FAM227B: variants seen among roughly 807,000 people sequenced by gnomAD.
FAM227B encodes family with sequence similarity 227 member B, also known as protein FAM227B.
A neutral mutation model predicts 73.8 loss-of-function variants in FAM227B; 88 were observed. The ratio of observed to expected loss-of-function variants is 1.19; its 90% CI spans 1.00 to 1.42. The LOEUF (loss-of-function observed/expected upper bound fraction) is 1.42, where lower values mean the gene tolerates loss of function less well. FAM227B is among the 40% of genes most tolerant of loss of function. The pLI, the probability that FAM227B is intolerant of heterozygous loss-of-function variation, is 0.00. For synonymous variants in FAM227B, 210 were observed against 190.5 expected, an observed-to-expected ratio of 1.10 and a Z score of -0.84; for missense variants, 632 against 590.9, an observed-to-expected ratio of 1.07 and a Z score of -0.72.
At chr15:49,341,600 CT>C (rs2040739778) in intron 13 of FAM227B, among the ~76,000 whole-genome samples, 1 of 152,122 alleles carries the variant, frequency 6.6e-6, no homozygotes, top group Non-Finnish European at 1.5e-5. Context: ...GATTTGCTTA[CT>C]TCAATCTCCC....
intron 11 of FAM227B, chr15:49,396,316 T>TTATA (rs1249095491): frequency 2.6e-6 from 1 of 391,690 alleles, no homozygotes; most frequent in African/African-American, 2.2e-5. Flanking sequence ...CACCACGAGA[T>TTATA]TATATCCCAC....
chr15:49,524,227 G>A (rs1055424801), intron 10 of FAM227B, among the ~76,000 whole-genome samples: 13 of 152,132 alleles, frequency 8.5e-5, no homozygotes, highest in Admixed American at 7.2e-4. Context: ...AGGGAAAGAT[G>A]GTTTTGTCAG....
In FAM227B at chr15:49,396,502, A is replaced by C; in HGVS notation, c.1013-25103T>G. ...AACTGGGTGGAGCCCACCACAGCTCAAGGAGGCCTGCCTGCCTCTGTAGGC... is the reference window on the plus strand; with the variant it reads ...AACTGGGTGGAGCCCACCACAGCTCCAGGAGGCCTGCCTGCCTCTGTAGGC... On this transcript the variant is annotated intron_variant, in intron 11 of 15. Transcript: ENST00000299338. 1.2e-5 allele frequency: 2 copies of C among 169,102 alleles called. 1 individual carries two copies. Among genetic ancestry groups the C allele is most frequent in the South Asian group, 2.4e-4 (2 of 8,202 alleles). 10.5% of individuals were successfully genotyped at this position (169,102 alleles called of 1,614,324 possible).
chr15:49,467,170 T>C (rs369099722), intron 11 of FAM227B, among the ~76,000 whole-genome samples: 36 of 152,274 alleles, frequency 2.4e-4, no homozygotes, highest in African/African-American at 8.4e-4. Flanking sequence ...AAAGTGGATG[T>C]GTAGTTTATC....
At chr15:49,593,888 C>T (rs1428756786) in intron 3 of FAM227B, among the ~76,000 whole-genome samples, 2 of 152,192 alleles carry the variant, frequency 1.3e-5, no homozygotes, top group Non-Finnish European at 2.9e-5. Flanking sequence ...CAGCTATAAA[C>T]ATGCGAGTGC....
chr15:49,529,991 T>C (rs1258029997), intron 10 of FAM227B, among the ~76,000 whole-genome samples: 1 of 151,772 alleles, frequency 6.6e-6, no homozygotes, highest in Admixed American at 6.6e-5. Context: ...AGATGCACCA[T>C]AGTTTGTTTA....
chr15:49,424,489 A>G (rs745689304), intron 11 of FAM227B: 1 of 1,613,554 alleles, frequency 6.2e-7, no homozygotes, highest in Non-Finnish European at 8.5e-7. Flanking sequence ...GAGGGGATAT[A>G]AGAGTGAGAA....
At chr15:49,441,494 G>C (rs1177546084) in intron 11 of FAM227B, among the ~76,000 whole-genome samples, 4 of 151,640 alleles carry the variant, frequency 2.6e-5, no homozygotes, top group Non-Finnish European at 5.9e-5. Flanking sequence ...GAGCTCCAGA[G>C]GACTGAAGTA....
At chr15:49,567,522 A>T (rs887128206) in intron 9 of FAM227B, among the ~76,000 whole-genome samples, 20 of 152,146 alleles carry the variant, frequency 1.3e-4, no homozygotes, top group African/African-American at 4.8e-4. Flanking sequence ...AAATTTGTGA[A>T]TTTAGGCTTG....
chr15:49,483,208 G>C, intron 11 of FAM227B: 2 of 1,591,990 alleles, frequency 1.3e-6, no homozygotes. Flanking sequence ...GGGGTGGAAA[G>C]TGAATTCTAT....
intron 9 of FAM227B, among the ~76,000 whole-genome samples, chr15:49,558,648 C>A (rs886299402): frequency 1.3e-5 from 2 of 152,120 alleles, no homozygotes; most frequent in African/African-American, 4.8e-5. Flanking sequence ...CTGCTGCCAC[C>A]TAAGAGTTTG....
At chr15:49,339,881 C>G (rs994668657) in intron 13 of FAM227B, among the ~76,000 whole-genome samples, 11 of 152,248 alleles carry the variant, frequency 7.2e-5, no homozygotes, top group Admixed American at 6.5e-4. Context: ...GTGGGCTCCA[C>G]CCAGTTCGAA....
chr15:49,408,626 C>T (rs1324478645), intron 11 of FAM227B, among the ~76,000 whole-genome samples: 1 of 152,126 alleles, frequency 6.6e-6, no homozygotes, highest in African/African-American at 2.4e-5. Flanking sequence ...ATTTTGAATG[C>T]TGGACATTAC....
At position 49,327,511 on chromosome 15, in the gene FAM227B, CTG is replaced by C. The variant is rs1425275197; in HGVS notation, c.*1055_*1056del. ...GCCATTGGGGAAAACTTGTATAAGA[CTG>C]TACATTTTAAATTTTGATTTGTCCT... On this transcript the variant is annotated 3_prime_UTR_variant, in exon 16 of 16. Transcript: ENST00000299338. 3.2e-5 allele frequency: 5 copies of C among 154,268 alleles called. No homozygotes were observed. The highest frequency in any genetic ancestry group is 1.2e-4 in the African/African-American group (5 of 41,492). The allele number at this position is 154,268 out of a possible 1,614,324, so 9.6% of individuals were successfully genotyped here.
chr15:49,360,710 A>T (rs568751105), intron 13 of FAM227B, among the ~76,000 whole-genome samples: 2 of 152,290 alleles, frequency 1.3e-5, no homozygotes, highest in South Asian at 4.1e-4. Flanking sequence ...TTCAAATATC[A>T]AGTGACCAAG....
chr15:49,366,468 A>T (rs2045209602), intron 13 of FAM227B: 1 of 1,043,170 alleles, frequency 9.6e-7, no homozygotes, highest in African/African-American at 1.6e-5. Flanking sequence ...GAAAGGTTGC[A>T]TAGTGGTGCG....
chr15:49,406,716 G>GCACA (rs147866943), intron 11 of FAM227B, among the ~76,000 whole-genome samples: 2 of 151,198 alleles, frequency 1.3e-5, no homozygotes, highest in Non-Finnish European at 3.0e-5. Context: ...ACAGAGACGT[G>GCACA]CACACACACA....
chr15:49,335,580 A>T (rs1353132133), intron 13 of FAM227B, 84 bp from the exon 14 acceptor site: 4 of 894,644 alleles, frequency 4.5e-6, no homozygotes, highest in Non-Finnish European at 7.2e-6. Context: ...AACCAAGGGG[A>T]CCGTGTGACC....
intron 9 of FAM227B, among the ~76,000 whole-genome samples, chr15:49,558,932 C>T (rs185444142): frequency 7.9e-5 from 12 of 152,172 alleles, no homozygotes; most frequent in Admixed American, 2.0e-4. Flanking sequence ...GGAGACCCCC[C>T]GCCCACCCAC....
Sources: allele counts gnomAD v4.1 joint callset (sites outside exome capture counted in the v4.1 genomes callset), GRCh38; gene constraint gnomAD v4.1.1; transcripts MANE v1.5; gene names NCBI Gene and HGNC (gene_info 2026-07-23, HGNC 2026-07-21).